The following DHRSX variants were observed in gnomAD, a reference collection of about 807,000 sequenced individuals.
The protein encoded by DHRSX is dehydrogenase/reductase X-linked.
Under a neutral mutation model 34.0 loss-of-function variants are expected in DHRSX, and 31 were observed. The observed-to-expected ratio is 0.91, with a 90% CI of 0.69 to 1.23. The LOEUF (loss-of-function observed/expected upper bound fraction) is 1.23, where lower values mean the gene tolerates loss of function less well. Ranked by LOEUF, DHRSX falls within the 50% of genes most tolerant of loss-of-function variation. The probability of loss-of-function intolerance (pLI) is 0.00; values close to 1 mark genes in which losing one functional copy is unlikely to be tolerated. For synonymous variants in DHRSX, 201 were observed against 183.8 expected (o/e 1.09, Z -0.76); for missense variants, 414 against 428.1 (o/e 0.97, Z 0.29).
chrX:2,389,282 G>C lies in DHRSX; in HGVS notation c.286+19463C>G, dbSNP rs750265912. ...GGGTGCTCCAATGGCAGCTCATGGG[G>C]GGAAAGAGAGGGAAAGGCTGGGCCA... On this transcript the variant is annotated intron_variant, in intron 3 of 6. Coordinates refer to ENST00000334651, the MANE Select transcript of DHRSX (RefSeq NM_145177.3). Among the ~76,000 whole-genome samples, 191 of 152,266 alleles carry C rather than the reference G, an allele frequency of 1.3e-3. 2 individuals carry two copies. The highest frequency in any genetic ancestry group is 4.5e-3 in the African/African-American group (188 of 41,556).
At chrX:2,263,935 T>G (rs1195995692) in intron 5 of DHRSX, among the ~76,000 whole-genome samples, 2 of 152,224 alleles carry the variant, frequency 1.3e-5, no homozygotes, top group Non-Finnish European at 2.9e-5. Flanking sequence ...GGACAGACAG[T>G]ACATTGCGTG....
chrX:2,392,516 T>C (rs1280284210), intron 3 of DHRSX: 6 of 231,866 alleles, frequency 2.6e-5, no homozygotes, highest in Admixed American at 5.2e-5. Context: ...TAATTTTATG[T>C]ATATATTAAT....
intron 3 of DHRSX, among the ~76,000 whole-genome samples, chrX:2,307,621 C>T (rs2042114065): frequency 6.6e-6 from 1 of 151,622 alleles, no homozygotes; most frequent in African/African-American, 2.4e-5. Context: ...AAAAATTAGC[C>T]AGGCGTGGTG....
intron 3 of DHRSX, among the ~76,000 whole-genome samples, chrX:2,373,558 C>G (rs752682414): frequency 8.5e-5 from 13 of 152,228 alleles, no homozygotes; most frequent in Non-Finnish European, 1.6e-4. Flanking sequence ...ATGGAAACCA[C>G]GGCTGCTGCA....
At chrX:2,498,967 T>TA (rs1002346070) in intron 1 of DHRSX, among the ~76,000 whole-genome samples, 5 of 151,322 alleles carry the variant, frequency 3.3e-5, no homozygotes, top group South Asian at 2.1e-4. Flanking sequence ...TAAGTGGGTT[T>TA]AAAAAAAAAT....
intron 1 of DHRSX, among the ~76,000 whole-genome samples, chrX:2,483,707 T>C (rs2044809665): frequency 6.7e-6 from 1 of 148,906 alleles, no homozygotes; most frequent in Non-Finnish European, 1.5e-5. Flanking sequence ...GAGCCCAGAG[T>C]GTGCGATCTG....
At chrX:2,237,010 G>C (rs1400671210) in intron 6 of DHRSX, among the ~76,000 whole-genome samples, 1 of 151,746 alleles carries the variant, frequency 6.6e-6, no homozygotes, top group Non-Finnish European at 1.5e-5. Context: ...GTAACATATC[G>C]AAACCCCGTC....
intron 6 of DHRSX, among the ~76,000 whole-genome samples, chrX:2,225,758 T>G (rs2015645093): frequency 8.2e-6 from 1 of 121,674 alleles, no homozygotes; most frequent in Admixed American, 9.6e-5. Flanking sequence ...AGACGGCGTC[T>G]CCAAGCCCAG....
intron 1 of DHRSX, chrX:2,489,856 C>T (rs2045078033): frequency 1.9e-6 from 3 of 1,613,632 alleles, no homozygotes; most frequent in Non-Finnish European, 2.5e-6. Flanking sequence ...CCAGGCAGGG[C>T]ATGTGCACTG....
chrX:2,459,445 G>A (rs2044366233), intron 1 of DHRSX, among the ~76,000 whole-genome samples: 1 of 150,936 alleles, frequency 6.6e-6, no homozygotes, highest in South Asian at 2.1e-4. Flanking sequence ...TAGCTTCATT[G>A]CTAATATGGT....
rs191785643 is a variant in DHRSX at position 2,309,105 on chromosome X, T to C, written c.287-17502A>G. ...ATAATTTTCTCAGAGATACTAATTA[T>C]CCCAATTCAATCAAGGAAATTAGGT... is the stretch of plus-strand genomic sequence containing the variant. On this transcript the variant is annotated intron_variant, in intron 3 of 6. Transcript: ENST00000334651. 1.6e-3 allele frequency among the ~76,000 whole-genome samples: 236 copies of C among 152,128 alleles called. 1 individual carries two copies. The highest frequency in any genetic ancestry group is 5.4e-3 in the African/African-American group (224 of 41,522).
chrX:2,342,892 C>G (rs35211863), intron 3 of DHRSX, among the ~76,000 whole-genome samples: 2 of 151,756 alleles, frequency 1.3e-5, no homozygotes, highest in Non-Finnish European at 2.9e-5. Context: ...CCATCAGGTA[C>G]GCACAGGAGA....
chrX:2,390,011 C>T (rs1053882239), intron 3 of DHRSX, among the ~76,000 whole-genome samples: 1 of 152,018 alleles, frequency 6.6e-6, no homozygotes, highest in South Asian at 2.1e-4. Context: ...GAACTCCCGA[C>T]CTCAAGTGAT....
intron 6 of DHRSX, 27 bp downstream of exon 6, chrX:2,242,996 T>A (rs1220542168): frequency 6.2e-7 from 1 of 1,604,484 alleles, no homozygotes; most frequent in East Asian, 2.2e-5. Context: ...GGTGCAGCCG[T>A]GAATCAGAGA....
At chrX:2,272,930 A>G (rs2041576619) in intron 4 of DHRSX, among the ~76,000 whole-genome samples, 1 of 152,220 alleles carries the variant, frequency 6.6e-6, no homozygotes, top group Non-Finnish European at 1.5e-5. Context: ...CGATCCAGCA[A>G]TCCCACTCCT....
intron 1 of DHRSX, among the ~76,000 whole-genome samples, chrX:2,485,749 GGGA>G (rs2044887841): frequency 1.8e-5 from 1 of 56,696 alleles, no homozygotes; most frequent in Non-Finnish European, 3.4e-5. Flanking sequence ...AGAGAAGGGA[GGGA>G]AGGAAGGGAG....
At chrX:2,479,231 C>G (rs758052921) in intron 1 of DHRSX, among the ~76,000 whole-genome samples, 30 of 151,744 alleles carry the variant, frequency 2.0e-4, no homozygotes, top group South Asian at 6.3e-4. Flanking sequence ...AAGATGATCC[C>G]TAAGCATGTG....
At chrX:2,433,902 G>A (rs2043960112) in intron 1 of DHRSX, among the ~76,000 whole-genome samples, 1 of 152,100 alleles carries the variant, frequency 6.6e-6, no homozygotes, top group Admixed American at 6.6e-5. Flanking sequence ...AGCCTCCCGA[G>A]TAGCTGGGAC....
chrX:2,395,176 C>A (rs1001575510), intron 3 of DHRSX, among the ~76,000 whole-genome samples: 22 of 152,150 alleles, frequency 1.4e-4, no homozygotes, highest in Non-Finnish European at 2.9e-4. Flanking sequence ...TTCTTTCCTG[C>A]ACCTGTTTCC....
Sources: gnomAD v4.1 joint callset for allele counts (sites outside exome capture counted in the v4.1 genomes callset) on GRCh38, gnomAD v4.1.1 for gene constraint, MANE v1.5 for transcripts, NCBI Gene and HGNC (gene_info 2026-07-23, HGNC 2026-07-21) for gene names.